WWOX: variants seen among roughly 807,000 people sequenced by gnomAD.
WWOX encodes the protein WW domain-containing oxidoreductase.
In WWOX, 69 loss-of-function variants were observed where a neutral mutation model predicts 46.2. The ratio of observed to expected loss-of-function variants is 1.49; its 90% confidence interval spans 1.23 to 1.82. WWOX has a LOEUF of 1.82. Ranked by LOEUF, WWOX falls within the 40% of genes most tolerant of loss-of-function variation. WWOX has a pLI of 0.00. For missense variants in WWOX, 919 were observed against 542.6 expected, an observed-to-expected ratio of 1.69 and a Z score of -6.89; for synonymous variants, 359 against 202.6, an observed-to-expected ratio of 1.77 and a Z score of -6.56.
intron 6 of WWOX, among the ~76,000 whole-genome samples, chr16:78,409,488 A>G (rs1477499571): frequency 6.6e-6 from 1 of 151,918 alleles, no homozygotes; most frequent in African/African-American, 2.4e-5. Flanking sequence ...TGGAGTTTGG[A>G]TTCCTTCCCA....
intron 5 of WWOX, among the ~76,000 whole-genome samples, chr16:78,318,948 A>G (rs906914491): frequency 2.0e-5 from 3 of 152,160 alleles, no homozygotes; most frequent in Non-Finnish European, 4.4e-5. Context: ...CGCGGAAACT[A>G]TGGATATGCT....
intron 8 of WWOX, among the ~76,000 whole-genome samples, chr16:79,015,825 C>G (rs1430365287): frequency 6.6e-6 from 1 of 152,146 alleles, no homozygotes; most frequent in African/African-American, 2.4e-5. Context: ...GATCTTGGCT[C>G]ACTGCAACCC....
intron 8 of WWOX, among the ~76,000 whole-genome samples, chr16:78,549,592 C>T (rs2044128430): frequency 6.6e-6 from 1 of 152,146 alleles, no homozygotes; most frequent in Non-Finnish European, 1.5e-5. Context: ...CCACTCCAGA[C>T]CATTTGATCG....
chr16:78,204,788 T>A (rs2036341066), intron 5 of WWOX, among the ~76,000 whole-genome samples: 1 of 152,190 alleles, frequency 6.6e-6, no homozygotes, highest in African/African-American at 2.4e-5. Context: ...AGAGAAAAGA[T>A]GAGCCTCATA....
At chr16:78,881,551 C>T (rs1315371492) in intron 8 of WWOX, among the ~76,000 whole-genome samples, 1 of 152,194 alleles carries the variant, frequency 6.6e-6, no homozygotes, top group East Asian at 1.9e-4. Flanking sequence ...GGAATAGTCT[C>T]TAACCTCAAG....
chr16:78,541,250 G>A (rs561107119), intron 8 of WWOX, among the ~76,000 whole-genome samples: 71 of 151,566 alleles, frequency 4.7e-4, no homozygotes, highest in African/African-American at 1.6e-3. Context: ...CGAGGCGGGC[G>A]GATCACGAGG....
chr16:78,531,822 A>G (rs149430543), intron 8 of WWOX, among the ~76,000 whole-genome samples: 1,752 of 152,242 alleles, frequency 0.012, 29 homozygotes, highest in Middle Eastern at 0.044. Flanking sequence ...TGCACAACTG[A>G]ACTCCAGCCT....
At chr16:79,029,609 T>G (rs888252195) in intron 8 of WWOX, among the ~76,000 whole-genome samples, 1 of 152,156 alleles carries the variant, frequency 6.6e-6, no homozygotes, top group Admixed American at 6.5e-5. Context: ...ACAAAGAAAG[T>G]TAGGGTAATA....
At chr16:79,126,030 T>C (rs1023702021) in intron 8 of WWOX, among the ~76,000 whole-genome samples, 1 of 152,192 alleles carries the variant, frequency 6.6e-6, no homozygotes, top group Non-Finnish European at 1.5e-5. Context: ...ACTGAATGAA[T>C]GGATAAACAT....
chr16:79,141,677 G>T (rs1234574331), intron 8 of WWOX, among the ~76,000 whole-genome samples: 1 of 151,864 alleles, frequency 6.6e-6, no homozygotes. Context: ...GAAGGAAGCA[G>T]TGTCCATTAG....
At chr16:78,100,563 T>C (rs1157015892) in intron 1 of WWOX, among the ~76,000 whole-genome samples, 2 of 152,214 alleles carry the variant, frequency 1.3e-5, no homozygotes, top group East Asian at 1.9e-4. Context: ...GAGTATTTTT[T>C]AGTAGCAGTC....
intron 8 of WWOX, among the ~76,000 whole-genome samples, chr16:78,968,191 G>A (rs185889860): frequency 2.7e-5 from 4 of 150,452 alleles, no homozygotes; most frequent in South Asian, 2.1e-4. Context: ...GGCACAGTGC[G>A]TGGTCTGCAT....
intron 3 of WWOX, among the ~76,000 whole-genome samples, chr16:78,114,646 T>A (rs550950921): frequency 6.6e-6 from 1 of 150,798 alleles, no homozygotes; most frequent in African/African-American, 2.5e-5. Context: ...ACAGATCTTA[T>A]AGCTACATTT....
intron 8 of WWOX, among the ~76,000 whole-genome samples, chr16:78,440,929 C>CTTTTTCT (rs952682669): frequency 6.6e-6 from 1 of 151,894 alleles, no homozygotes; most frequent in Non-Finnish European, 1.5e-5. Context: ...CCTGTAGTTT[C>CTTTTTCT]TTTTTCTTTT....
At chr16:78,371,172 C>T (rs1004546417) in intron 5 of WWOX, among the ~76,000 whole-genome samples, 2 of 152,082 alleles carry the variant, frequency 1.3e-5, no homozygotes. Flanking sequence ...CACAGTTCCT[C>T]AGCATGAATG....
At chr16:79,040,321 C>T (rs1341062355) in intron 8 of WWOX, among the ~76,000 whole-genome samples, 1 of 145,500 alleles carries the variant, frequency 6.9e-6, no homozygotes, top group Non-Finnish European at 1.5e-5. Flanking sequence ...GTTGCCCAGA[C>T]TGGAGTGCGG....
At chr16:78,588,235 C>G (rs183299897) in intron 8 of WWOX, among the ~76,000 whole-genome samples, 4 of 152,322 alleles carry the variant, frequency 2.6e-5, no homozygotes, top group East Asian at 1.9e-4. Flanking sequence ...TGACAATAGC[C>G]TCAAACTTGA....
intron 8 of WWOX, among the ~76,000 whole-genome samples, chr16:78,768,672 A>G (rs906122519): frequency 1.3e-5 from 2 of 151,944 alleles, no homozygotes; most frequent in African/African-American, 4.8e-5. Context: ...TGTGAAATTA[A>G]CTCTGTAGAT....
chr16:79,170,767 T>A (rs980134919), intron 8 of WWOX, among the ~76,000 whole-genome samples: 6 of 152,158 alleles, frequency 3.9e-5, no homozygotes, highest in African/African-American at 1.4e-4. Context: ...GAAGTTACAT[T>A]TACAAGGAGG....
Sources: allele counts gnomAD v4.1 joint callset (sites outside exome capture counted in the v4.1 genomes callset), GRCh38; gene constraint gnomAD v4.1.1; transcripts MANE v1.5; gene names NCBI Gene and HGNC (gene_info 2026-07-23, HGNC 2026-07-21).